KCNH7: variants seen among roughly 807,000 people sequenced by gnomAD.
The protein encoded by KCNH7 is potassium voltage-gated channel subfamily H member 7.
KCNH7 carries 49 observed loss-of-function variants against 120.8 expected under a neutral mutation model. The observed-to-expected ratio is 0.41, with a 90% CI of 0.32 to 0.51. The LOEUF (loss-of-function observed/expected upper bound fraction) is 0.51, where lower values mean the gene tolerates loss of function less well. Ranked by LOEUF, KCNH7 falls within the 20% of genes least tolerant of loss-of-function variation. KCNH7 has a pLI of 0.38. For synonymous variants in KCNH7, 547 were observed against 516.1 expected, an observed-to-expected ratio of 1.06 and a Z score of -0.81; for missense variants, 1,097 against 1,446.6, an observed-to-expected ratio of 0.76 and a Z score of 3.92.
At chr2:162,682,715 T>C (rs1332000636) in intron 2 of KCNH7, among the ~76,000 whole-genome samples, 1 of 151,844 alleles carries the variant, frequency 6.6e-6, no homozygotes, top group African/African-American at 2.4e-5. Flanking sequence ...TACACAGTAA[T>C]CGCTGTTGTA....
intron 2 of KCNH7, among the ~76,000 whole-genome samples, chr2:162,659,072 T>C (rs924907596): frequency 6.6e-6 from 1 of 152,210 alleles, no homozygotes; most frequent in African/African-American, 2.4e-5. Context: ...ACTACTAGTT[T>C]CTTGAAATTA....
rs115948972 is a variant in KCNH7 at position 162,557,176 on chromosome 2, G to A, written c.308-20096C>T. ...AAGGCTGACTTCGGAAATTCAAGACGGTGCACTCATATGGCTGGCTGCCAT... is the reference window on the plus strand; with the variant it reads ...AAGGCTGACTTCGGAAATTCAAGACAGTGCACTCATATGGCTGGCTGCCAT... On this transcript the variant is annotated intron_variant, in intron 2 of 15. Coordinates refer to ENST00000332142, the MANE Select transcript of KCNH7 (RefSeq NM_033272.4). Among the ~76,000 whole-genome samples the A allele has an allele frequency of 5.2e-3, 791 of 152,252 alleles. 6 individuals carry two copies. Among genetic ancestry groups the A allele is most frequent in the African/African-American group, 0.016 (670 of 41,546 alleles).
chr2:162,432,739 T>C (rs1688111382), intron 8 of KCNH7, among the ~76,000 whole-genome samples: 1 of 151,990 alleles, frequency 6.6e-6, no homozygotes, highest in South Asian at 2.1e-4. Flanking sequence ...GCATTCCCAT[T>C]AAGCAGGAGC....
At chr2:162,583,108 A>C (rs4664476) in intron 2 of KCNH7, among the ~76,000 whole-genome samples, 11 of 151,956 alleles carry the variant, frequency 7.2e-5, no homozygotes, top group East Asian at 3.9e-4. Flanking sequence ...AGCTTTAAAA[A>C]CCCCCCACTA....
At chr2:162,672,522 A>G (rs1039409598) in intron 2 of KCNH7, among the ~76,000 whole-genome samples, 3 of 152,040 alleles carry the variant, frequency 2.0e-5, no homozygotes, top group Admixed American at 6.6e-5. Context: ...AGGGAGTGTA[A>G]TAACACTAAA....
At chr2:162,499,046 C>T (rs571968913) in intron 6 of KCNH7, among the ~76,000 whole-genome samples, 13 of 152,180 alleles carry the variant, frequency 8.5e-5, no homozygotes, top group Admixed American at 3.3e-4. Flanking sequence ...TTGAAATCCA[C>T]GGCACCATCT....
chr2:162,421,046 A>C (rs959958368), intron 9 of KCNH7, among the ~76,000 whole-genome samples: 4 of 152,088 alleles, frequency 2.6e-5, no homozygotes, highest in African/African-American at 9.7e-5. Flanking sequence ...CCATTTGCTG[A>C]GTGTTCAGAG....
intron 2 of KCNH7, among the ~76,000 whole-genome samples, chr2:162,634,722 A>C (rs1409075061): frequency 6.6e-6 from 1 of 152,024 alleles, no homozygotes; most frequent in Admixed American, 6.6e-5. Flanking sequence ...GACAGAGTCA[A>C]AGATTATAGG....
At chr2:162,524,842 C>T (rs1174989715) in intron 3 of KCNH7, among the ~76,000 whole-genome samples, 1 of 151,908 alleles carries the variant, frequency 6.6e-6, no homozygotes, top group Non-Finnish European at 1.5e-5. Context: ...ACTCCTACTC[C>T]TACATATGTA....
intron 2 of KCNH7, among the ~76,000 whole-genome samples, chr2:162,646,575 A>G (rs2105249189): frequency 6.6e-6 from 1 of 152,288 alleles, no homozygotes; most frequent in East Asian, 1.9e-4. Flanking sequence ...TGACATGAGC[A>G]CTCAAAAGCA....
chr2:162,456,407 A>G (rs910130337), intron 6 of KCNH7, among the ~76,000 whole-genome samples: 4 of 152,000 alleles, frequency 2.6e-5, no homozygotes, highest in African/African-American at 9.7e-5. Context: ...GCATTTGCTG[A>G]GGAGTGTTTT....
chr2:162,796,741 C>A (rs1684160695), intron 2 of KCNH7: 1 of 152,012 alleles, frequency 6.6e-6, no homozygotes, highest in South Asian at 2.1e-4. Context: ...CTCCTGTGCA[C>A]CAGCAACTAG....
chr2:162,486,397 C>T (rs1395919761), intron 6 of KCNH7, among the ~76,000 whole-genome samples: 1 of 152,106 alleles, frequency 6.6e-6, no homozygotes, highest in Admixed American at 6.6e-5. Flanking sequence ...CACATTTTTC[C>T]CTTTCTAGCT....
At chr2:162,772,023 A>G (rs1683072806) in intron 2 of KCNH7, 1 of 152,188 alleles carries the variant, frequency 6.6e-6, no homozygotes, top group Non-Finnish European at 1.5e-5. Context: ...GAAAAGTATA[A>G]AGATAAGAAG....
At chr2:162,624,105 A>G (rs1382734770) in intron 2 of KCNH7, among the ~76,000 whole-genome samples, 1 of 152,112 alleles carries the variant, frequency 6.6e-6, no homozygotes, top group African/African-American at 2.4e-5. Flanking sequence ...TTAGTCAGGG[A>G]CATGGTCTGC....
At chr2:162,836,411 A>C in intron 2 of KCNH7, 126 bp downstream of exon 2, 1 of 716,268 alleles carries the variant, frequency 1.4e-6, no homozygotes, top group Non-Finnish European at 2.3e-6. Context: ...TGGATCCCAA[A>C]ATACTATATG....
At position 162,677,718 on chromosome 2, in the gene KCNH7, C is replaced by T. The variant is rs376787833; in HGVS notation, c.308-140638G>A. Among the ~76,000 whole-genome samples the T allele has an allele frequency of 3.3e-5, 5 of 151,458 alleles. No individual in the cohort carries two copies. The South Asian group carries it at 8.3e-4, about 25-fold the overall frequency. Reference sequence around the variant, plus strand: ...AGTCATACGGTACAAATGTGTTTAGCTTAGTAGATTCTGTCAAACATCTTT... The same window carrying T: ...AGTCATACGGTACAAATGTGTTTAGTTTAGTAGATTCTGTCAAACATCTTT... On this transcript the variant is annotated intron_variant, in intron 2 of 15. Coordinates refer to ENST00000332142, the MANE Select transcript of KCNH7 (RefSeq NM_033272.4).
intron 2 of KCNH7, among the ~76,000 whole-genome samples, chr2:162,622,280 A>C (rs1435133554): frequency 6.6e-6 from 1 of 152,206 alleles, no homozygotes; most frequent in South Asian, 2.1e-4. Flanking sequence ...CCATCCCTTC[A>C]TATGATGATA....
chr2:162,630,679 G>A (rs1216082001), intron 2 of KCNH7, among the ~76,000 whole-genome samples: 1 of 151,992 alleles, frequency 6.6e-6, no homozygotes, highest in Admixed American at 6.6e-5. Context: ...CAAAGTAAAA[G>A]CAGTGATTAA....
Sources: allele counts gnomAD v4.1 joint callset (sites outside exome capture counted in the v4.1 genomes callset), GRCh38; gene constraint gnomAD v4.1.1; transcripts MANE v1.5; gene names NCBI Gene and HGNC (gene_info 2026-07-23, HGNC 2026-07-21).